The following AGBL5 variants were observed in gnomAD, a reference collection of about 807,000 sequenced individuals.
AGBL5 encodes AGBL carboxypeptidase 5, also known as cytosolic carboxypeptidase-like protein 5.
Under a neutral mutation model 88.0 loss-of-function variants are expected in AGBL5, and 51 were observed. That is an observed-to-expected ratio of 0.58 (90% CI 0.46 to 0.73). The LOEUF is 0.73. AGBL5 is among the 30% of genes least tolerant of loss of function. The pLI, the probability that AGBL5 is intolerant of heterozygous loss-of-function variation, is 0.00. For missense variants in AGBL5, 1,031 were observed against 1,162.2 expected (o/e 0.89, Z 1.64); for synonymous variants, 446 against 438.8 (o/e 1.02, Z -0.21).
At chr2:27,069,381 A>C in intron 13 of AGBL5, 192 bp from the exon 14 acceptor site, 4 of 985,444 alleles carry the variant, frequency 4.1e-6, no homozygotes, top group Non-Finnish European at 4.8e-6. Context: ...CTTGGAGTGC[A>C]TAGTCATGGA....
At chr2:27,055,612 T>C in intron 6 of AGBL5, 70 bp from the exon 7 acceptor site, 1 of 1,405,442 alleles carries the variant, frequency 7.1e-7, no homozygotes, top group Non-Finnish European at 9.7e-7. Flanking sequence ...GGTCTCCTTT[T>C]CATCTACACT....
Position 27,070,279 on chromosome 2 carries a change from C to G in AGBL5, c.*16C>G. On this transcript the variant is annotated 3_prime_UTR_variant, in exon 15 of 15. Transcript: ENST00000360131. ...CCGGGTCTGATAATGCCTTTATGTTCAAGCCCAGGATATAGCCCCAAGATG... is the reference window on the plus strand; with the variant it reads ...CCGGGTCTGATAATGCCTTTATGTTGAAGCCCAGGATATAGCCCCAAGATG... 2.5e-6 allele frequency: 4 copies of G among 1,612,852 alleles called. No individual in the cohort carries two copies. The highest frequency in any genetic ancestry group is 2.2e-5 in the East Asian group (1 of 44,880).
chr2:27,051,223 G>C (rs1314146723), upstream of AGBL5, among the ~76,000 whole-genome samples: 2 of 152,216 alleles, frequency 1.3e-5, no homozygotes, highest in South Asian at 2.1e-4. Flanking sequence ...CGGGGGATTA[G>C]CTCAAATGGT....
intron 11 of AGBL5, among the ~76,000 whole-genome samples, chr2:27,066,190 T>C (rs1398373806): frequency 5.1e-5 from 7 of 137,914 alleles, no homozygotes; most frequent in Non-Finnish European, 9.0e-5. Flanking sequence ...GCCATGTTCA[T>C]GCCACTGCAC....
At chr2:27,060,720 C>T (rs1392692326) in intron 11 of AGBL5, among the ~76,000 whole-genome samples, 1 of 152,194 alleles carries the variant, frequency 6.6e-6, no homozygotes, top group Non-Finnish European at 1.5e-5. Flanking sequence ...GATATTCTAT[C>T]CCTGACAGGC....
At chr2:27,052,877 C>A in intron 1 of AGBL5, 36 bp from the exon 2 acceptor site, 1 of 1,282,286 alleles carries the variant, frequency 7.8e-7, no homozygotes, top group Non-Finnish European at 1.1e-6. Flanking sequence ...ATTTGTCTTC[C>A]CTTTCCTCCT....
intron 11 of AGBL5, chr2:27,059,619 G>T (rs1269856050): frequency 1.8e-6 from 2 of 1,135,184 alleles, no homozygotes; most frequent in Non-Finnish European, 2.4e-6. Flanking sequence ...GGAAGTCTGG[G>T]TATCTGGGCT....
At chr2:27,067,782 G>A (rs1669069465) in intron 12 of AGBL5, 136 bp downstream of exon 12, 1 of 965,522 alleles carries the variant, frequency 1.0e-6, no homozygotes, top group Non-Finnish European at 1.7e-6. Flanking sequence ...TGGTGCCTTT[G>A]TATAGGAAGC....
In AGBL5 at chr2:27,070,160, C is replaced by G; in HGVS notation, c.2558C>G (p.Ser853Cys). 6.2e-7 allele frequency: 1 copy of G among 1,614,242 alleles called. No individual in the cohort carries two copies. The change falls in exon 15 of 15, where the codon TCT (serine) becomes TGT (cysteine). Residue 853 changes from serine (S) to cysteine (C), a missense_variant. Ser to Cys is a moderately radical substitution (Grantham distance 112, BLOSUM62 -1). This residue lies in a region of AGBL5 where 491 missense variants were observed against 484.0 expected (regional missense o/e 1.01). Transcript: ENST00000360131. ...PAFSPISCSL[S>C]DSPSWNCYSR... Reference sequence around the variant, plus strand: ...TTTTCTCCTATATCCTGTAGTCTATCTGACTCCCCATCCTGGAATTGTTAC... The same window carrying G: ...TTTTCTCCTATATCCTGTAGTCTATGTGACTCCCCATCCTGGAATTGTTAC...
Position 27,059,320 on chromosome 2 carries a change from T to C in AGBL5, c.2005T>C (p.Phe669Leu). The change falls in exon 11 of 15, where the codon TTT (phenylalanine) becomes CTT (leucine). Residue 669 changes from phenylalanine to leucine, a missense_variant. Phe to Leu is a conservative substitution (Grantham distance 22). This residue lies in a region of AGBL5 where 491 missense variants were observed against 484.0 expected (regional missense o/e 1.01). Coordinates refer to ENST00000360131, the MANE Select transcript of AGBL5 (RefSeq NM_021831.6). ...PQMKNSPSFP[F>L]HGSRPAGLPG... ...GATGAAGAATTCCCCCAGCTTTCCT[T>C]TTCATGGCAGTCGGCCTGCAGGGCT... is the stretch of plus-strand genomic sequence containing the variant. 11 of 1,614,194 alleles carry C rather than the reference T, an allele frequency of 6.8e-6. No individual in the cohort carries two copies. Among genetic ancestry groups the C allele is most frequent in the South Asian group, 2.2e-5 (2 of 91,084 alleles).
intron 13 of AGBL5, chr2:27,069,125 A>G (rs1008069799): frequency 3.0e-6 from 4 of 1,338,782 alleles, no homozygotes; most frequent in African/African-American, 2.9e-5. Flanking sequence ...TGCTAGGAAC[A>G]GCCCTGCCAC....
chr2:27,067,558 C>A lies in AGBL5; in HGVS notation c.2154C>A (p.Leu718=). 1 of 1,614,148 alleles carries A rather than the reference C, an allele frequency of 6.2e-7. No homozygotes were observed. Among genetic ancestry groups the A allele is most frequent in the Non-Finnish European group, 8.5e-7 (1 of 1,180,038 alleles). ...TGAACCATCGTCCTGCAGGCAGCCT[C>A]GCTCCATCCCCAGCTCCTACTAGTT... ...QPLNHRPAGS[L]APSPAPTSSG... is the part of the protein sequence containing the mutation. The change falls in exon 12 of 15, where the codon CTC becomes CTA. Residue 718 remains leucine (L), a synonymous_variant. Transcript: ENST00000360131.
chr2:27,059,740 G>T (rs141975283), intron 11 of AGBL5, among the ~76,000 whole-genome samples: 41 of 152,292 alleles, frequency 2.7e-4, no homozygotes, highest in African/African-American at 9.6e-4. Context: ...CTGTCTTCAT[G>T]GGGGCAGTTA....
At position 27,070,399 on chromosome 2, in the gene AGBL5, C is replaced by A. The variant is rs1342317608; in HGVS notation, c.*136C>A. The A allele has an allele frequency of 5.5e-5, 48 of 867,354 alleles. No homozygotes were observed. The highest frequency in any genetic ancestry group is 8.6e-5 in the Non-Finnish European group (47 of 549,150). 53.7% of individuals were successfully genotyped at this position (867,354 alleles called of 1,614,324 possible). ...GGAATGCCAGCCACGCTGTCCAAGG[C>A]ATTACAGAGTATCACCTTGAGACAG... On this transcript the variant is annotated 3_prime_UTR_variant, in exon 15 of 15. Coordinates refer to ENST00000360131, the MANE Select transcript of AGBL5 (RefSeq NM_021831.6).
chr2:27,060,208 A>G (rs1171873318), intron 11 of AGBL5, among the ~76,000 whole-genome samples: 1 of 152,206 alleles, frequency 6.6e-6, no homozygotes, highest in Non-Finnish European at 1.5e-5. Flanking sequence ...AAAATGGAAC[A>G]ACTGCAGACA....
upstream of AGBL5, among the ~76,000 whole-genome samples, chr2:27,051,254 G>A (rs995822446): frequency 2.0e-5 from 3 of 152,200 alleles, no homozygotes; most frequent in Non-Finnish European, 2.9e-5. Context: ...CTTAGCATGC[G>A]AGAGGTAGCG....
Position 27,069,716 on chromosome 2 carries a change from T to G in AGBL5, c.2489+10T>G. 5 of 1,611,692 alleles carry G rather than the reference T, an allele frequency of 3.1e-6. No individual in the cohort carries two copies. Among genetic ancestry groups the G allele is most frequent in the Non-Finnish European group, 4.2e-6 (5 of 1,178,322 alleles). On this transcript the variant is annotated intron_variant, in intron 14 of 14. Coordinates refer to ENST00000360131, the MANE Select transcript of AGBL5 (RefSeq NM_021831.6). ...GCTCTGCTACACCAGGGTGAGCACT[T>G]GGGTCCAGTCCCTCACACCACCCCT...
At chr2:27,050,833 C>CT (rs997475923), upstream of AGBL5, among the ~76,000 whole-genome samples, 13 of 152,212 alleles carry the variant, frequency 8.5e-5, no homozygotes, top group South Asian at 2.1e-4. Context: ...TAGGGCGTGG[C>CT]AATCCTTAGG....
intron 11 of AGBL5, among the ~76,000 whole-genome samples, chr2:27,065,531 A>G (rs1668942454): frequency 6.6e-6 from 1 of 152,234 alleles, no homozygotes; most frequent in Admixed American, 6.5e-5. Context: ...GCACTGGGAT[A>G]TATAGTGTTG....
Sources: gnomAD v4.1 joint callset for allele counts (sites outside exome capture counted in the v4.1 genomes callset) on GRCh38, gnomAD v4.1.1 for gene constraint, gnomAD v4.1.1 regional missense constraint, MANE v1.5 for transcripts, NCBI Gene and HGNC (gene_info 2026-07-23, HGNC 2026-07-21) for gene names.